Variants in TNS1 observed in about 807,000 individuals in gnomAD.
TNS1 encodes the protein tensin-1.
Under a neutral mutation model 168.6 loss-of-function variants are expected in TNS1, and 62 were observed. The ratio of observed to expected loss-of-function variants is 0.37; its 90% CI spans 0.30 to 0.45. The LOEUF is 0.45. Among genes scored for constraint, TNS1 ranks in the 20% least tolerant of loss-of-function variants. The probability of loss-of-function intolerance (pLI) is 1.00; values close to 1 mark genes in which losing one functional copy is unlikely to be tolerated. For missense variants in TNS1, 2,240 were observed against 2,339.4 expected (o/e 0.96, Z 0.88); for synonymous variants, 934 against 933.2 (o/e 1.00, Z -0.02).
chr2:217,923,175 AGC>A (rs1955824676), intron 3 of TNS1, among the ~76,000 whole-genome samples: 2 of 152,124 alleles, frequency 1.3e-5, no homozygotes, highest in African/African-American at 4.8e-5. Context: ...TCTTGGTGCC[AGC>A]GCTGTCATAG....
At chr2:217,804,900 G>A (rs894523493) in intron 32 of TNS1, among the ~76,000 whole-genome samples, 6 of 152,118 alleles carry the variant, frequency 3.9e-5, no homozygotes, top group Admixed American at 6.5e-5. Flanking sequence ...GAGGGGTGGG[G>A]AGGAGACCAA....
intron 28 of TNS1, among the ~76,000 whole-genome samples, chr2:217,810,532 G>A (rs2125096634): frequency 6.6e-6 from 1 of 152,290 alleles, no homozygotes; most frequent in South Asian, 2.1e-4. Flanking sequence ...GAGTCCAGCA[G>A]AACTGGGCTC....
chr2:217,955,274 T>C (rs367654252), intron 3 of TNS1, among the ~76,000 whole-genome samples: 3 of 152,340 alleles, frequency 2.0e-5, no homozygotes, highest in African/African-American at 7.2e-5. Context: ...ACAGGTGCCC[T>C]GGCCAGGAAC....
intron 3 of TNS1, among the ~76,000 whole-genome samples, chr2:217,965,144 G>A (rs182122701): frequency 1.3e-5 from 2 of 152,340 alleles, no homozygotes; most frequent in East Asian, 3.9e-4. Flanking sequence ...CCTGCTGGCT[G>A]GTGGATTTCT....
At chr2:217,829,772 C>G (rs1944143185) in intron 22 of TNS1, 1 of 1,527,206 alleles carries the variant, frequency 6.5e-7, no homozygotes, top group Admixed American at 1.9e-5. Context: ...CTCCAGCCAG[C>G]CTCTTCAAGC....
rs535321638 is a variant in TNS1 at position 217,920,193 on chromosome 2, A to C, written c.228+2T>G. On this transcript the variant is annotated splice_donor_variant, in intron 4 of 32. Transcript: ENST00000682258. LOFTEE classifies it high-confidence loss of function. Reference sequence around the variant, plus strand: ...GCAGGGCAAGGAAGGGCTGTCACTCACCACCAGCTCATGGTTGGATGGAGG... The same window carrying C: ...GCAGGGCAAGGAAGGGCTGTCACTCCCCACCAGCTCATGGTTGGATGGAGG... 1 of 703,000 alleles carries C rather than the reference A, an allele frequency of 1.4e-6. No homozygotes were observed. The highest frequency in any genetic ancestry group is 1.5e-5 in the South Asian group (1 of 67,592). The allele number at this position is 703,000 out of a possible 1,614,324, so 43.5% of individuals were successfully genotyped here.
chr2:217,951,046 A>G (rs557128279), intron 3 of TNS1, among the ~76,000 whole-genome samples: 3 of 152,298 alleles, frequency 2.0e-5, no homozygotes, highest in South Asian at 2.1e-4. Flanking sequence ...ACCCCTATAG[A>G]AAATAATCAT....
intron 2 of TNS1, among the ~76,000 whole-genome samples, chr2:217,980,533 AG>A (rs1171001996): frequency 6.7e-6 from 1 of 149,520 alleles, no homozygotes; most frequent in Non-Finnish European, 1.5e-5. Flanking sequence ...AGAGAGAGAG[AG>A]AGAGAGAGAG....
rs762531979 is a variant in TNS1, at chr2:217,801,432, T to C, written c.*3027A>G. 4 of 152,300 alleles carry C rather than the reference T, an allele frequency of 2.6e-5. No individual in the cohort carries two copies. Among genetic ancestry groups the C allele is most frequent in the African/African-American group, 7.2e-5 (3 of 41,470 alleles). 9.4% of individuals were successfully genotyped at this position (152,300 alleles called of 1,614,324 possible). The stretch of plus-strand genomic sequence containing the variant: ...GCTGGTGGCAGCACGGGACTGAACC[T>C]GCTGGGGTCTGCGTCGCTGCGATGT... On this transcript the variant is annotated 3_prime_UTR_variant, in exon 33 of 33. Transcript: ENST00000682258.
intron 24 of TNS1, among the ~76,000 whole-genome samples, chr2:217,816,997 C>T (rs763889670): frequency 1.6e-4 from 24 of 152,056 alleles, no homozygotes; most frequent in Non-Finnish European, 2.8e-4. Flanking sequence ...CAAGTTCTGG[C>T]GATAAGTGAA....
chr2:217,900,749 C>G (rs1310038997), intron 6 of TNS1: 1 of 559,118 alleles, frequency 1.8e-6, no homozygotes, highest in Non-Finnish European at 3.1e-6. Context: ...AAGGAAGAAT[C>G]CCGAATGCTG....
chr2:217,926,075 T>C (rs552928188), intron 3 of TNS1, among the ~76,000 whole-genome samples: 1 of 152,130 alleles, frequency 6.6e-6, no homozygotes, highest in African/African-American at 2.4e-5. Context: ...TCCTTGTAAG[T>C]AGAGGAAACG....
chr2:218,023,152 A>G (rs1958823450), intron 1 of TNS1, among the ~76,000 whole-genome samples: 1 of 152,252 alleles, frequency 6.6e-6, no homozygotes, highest in Non-Finnish European at 1.5e-5. Flanking sequence ...CATTGAGAAC[A>G]AGAGGAAGCC....
intron 4 of TNS1, among the ~76,000 whole-genome samples, chr2:217,908,933 C>T (rs553393901): frequency 1.3e-5 from 2 of 152,196 alleles, no homozygotes; most frequent in East Asian, 1.9e-4. Flanking sequence ...AATGATGGCA[C>T]GTTCTGCCCT....
At chr2:217,868,855 A>AC (rs1431403485) in intron 18 of TNS1, among the ~76,000 whole-genome samples, 4 of 152,224 alleles carry the variant, frequency 2.6e-5, no homozygotes, top group Middle Eastern at 3.4e-3. Flanking sequence ...CGTGGGTTCC[A>AC]CCCCTTCCCA....
intron 18 of TNS1, among the ~76,000 whole-genome samples, chr2:217,872,304 A>G (rs1949838798): frequency 1.3e-5 from 2 of 152,242 alleles, no homozygotes; most frequent in South Asian, 4.1e-4. Flanking sequence ...GGCAAATTAT[A>G]TATCTGCTAA....
At chr2:217,852,033 T>C (rs1345607407) in intron 18 of TNS1, among the ~76,000 whole-genome samples, 1 of 151,790 alleles carries the variant, frequency 6.6e-6, no homozygotes, top group South Asian at 2.1e-4. Context: ...TAATCCCAGC[T>C]ACTCGGGAGG....
intron 3 of TNS1, among the ~76,000 whole-genome samples, chr2:217,970,842 T>C (rs1386032507): frequency 6.6e-6 from 1 of 152,036 alleles, no homozygotes; most frequent in South Asian, 2.1e-4. Context: ...AAAAAAATCA[T>C]TGAATTGTAC....
chr2:217,815,854 G>A (rs1941810968), intron 24 of TNS1, among the ~76,000 whole-genome samples: 1 of 152,110 alleles, frequency 6.6e-6, no homozygotes, highest in Admixed American at 6.5e-5. Flanking sequence ...GAAGGCCTAT[G>A]TTCTGCATCA....
Sources: gnomAD v4.1 joint callset for allele counts (sites outside exome capture counted in the v4.1 genomes callset) on GRCh38, gnomAD v4.1.1 for gene constraint, MANE v1.5 for transcripts, NCBI Gene and HGNC (gene_info 2026-07-23, HGNC 2026-07-21) for gene names.